The following RRM1 variants were observed in gnomAD, a reference collection of about 807,000 sequenced individuals.
RRM1 encodes the protein ribonucleoside-diphosphate reductase large subunit.
A neutral mutation model predicts 101.5 loss-of-function variants in RRM1; 19 were observed. The ratio of observed to expected loss-of-function variants is 0.19; its 90% CI spans 0.13 to 0.27. The LOEUF is 0.27. Ranked by LOEUF, RRM1 falls within the 10% of genes least tolerant of loss-of-function variation. The probability of loss-of-function intolerance (pLI) is 1.00; values close to 1 mark genes in which losing one functional copy is unlikely to be tolerated. For missense variants in RRM1, 500 were observed against 962.9 expected (o/e 0.52, Z 6.36); for synonymous variants, 298 against 323.4 (o/e 0.92, Z 0.84).
At chr11:4,110,350 A>G (rs67074167) in intron 5 of RRM1, among the ~76,000 whole-genome samples, 77,655 of 151,726 alleles carry the variant, frequency 0.51, 20,361 homozygotes, top group Non-Finnish European at 0.58. Context: ...ACGGAGTTTC[A>G]CCATGTTGGC....
At chr11:4,116,966 C>CAAAA (rs143763284) in intron 7 of RRM1, among the ~76,000 whole-genome samples, 1 of 129,424 alleles carries the variant, frequency 7.7e-6, no homozygotes. Flanking sequence ...AACCCTGTCT[C>CAAAA]AAAAAAAAAG....
At chr11:4,101,567 C>CCCA (rs2094551365) in intron 1 of RRM1, among the ~76,000 whole-genome samples, 1 of 137,750 alleles carries the variant, frequency 7.3e-6, no homozygotes, top group African/African-American at 2.8e-5. Flanking sequence ...ACACCCCCCC[C>CCCA]CGCTCCCTTG....
intron 1 of RRM1, among the ~76,000 whole-genome samples, chr11:4,101,640 C>A (rs569123434): frequency 7.0e-6 from 1 of 143,058 alleles, no homozygotes; most frequent in South Asian, 2.4e-4. Flanking sequence ...ATTGTTATAA[C>A]AATTTTGACT....
At chr11:4,124,029 A>C (rs1354884422) in intron 12 of RRM1, among the ~76,000 whole-genome samples, 1 of 152,066 alleles carries the variant, frequency 6.6e-6, no homozygotes, top group Non-Finnish European at 1.5e-5. Context: ...GATACACCAG[A>C]GACAGGGCTG....
Position 4,111,971 on chromosome 11 carries a change from A to G in RRM1, c.559A>G (p.Ile187Val). 3.1e-6 allele frequency: 5 copies of G among 1,614,034 alleles called. No homozygotes were observed. Among genetic ancestry groups the G allele is most frequent in the Non-Finnish European group, 3.4e-6 (4 of 1,179,902 alleles). ...GIHKEDIDAA[I>V]ETYNLLSERW... ...CCACAAAGAAGACATTGATGCAGCA[A>G]TTGAAACATATAATCTTCTTTCTGA... The change falls in exon 7 of 19, where the codon ATT becomes GTT. Residue 187 changes from isoleucine (I) to valine (V), a missense_variant. Physicochemically the swap from Ile to Val is conservative, Grantham distance 29. This residue lies in a region of RRM1 where 111 missense variants were observed against 219.8 expected (regional missense o/e 0.51). Transcript: ENST00000300738.
At chr11:4,118,757 A>T (rs538521612) in intron 8 of RRM1, among the ~76,000 whole-genome samples, 89 of 152,294 alleles carry the variant, frequency 5.8e-4, no homozygotes, top group Middle Eastern at 6.8e-3. Context: ...CTGTATGTTA[A>T]GTTTGTTATA....
intron 1 of RRM1, among the ~76,000 whole-genome samples, chr11:4,101,557 ACACC>A (rs2094551049): frequency 2.3e-5 from 1 of 43,632 alleles, no homozygotes; most frequent in Non-Finnish European, 5.4e-5. Flanking sequence ...CCAGTGATCC[ACACC>A]CCCCCCCGCT....
chr11:4,111,086 T>C (rs564507736), intron 5 of RRM1, among the ~76,000 whole-genome samples: 303 of 152,086 alleles, frequency 2.0e-3, no homozygotes, highest in Non-Finnish European at 3.7e-3. Flanking sequence ...AAAGTGCCAG[T>C]GAGGAGGCTG....
At chr11:4,133,224 T>A (rs1306243084) in intron 16 of RRM1, among the ~76,000 whole-genome samples, 1 of 152,196 alleles carries the variant, frequency 6.6e-6, no homozygotes, top group African/African-American at 2.4e-5. Flanking sequence ...TCACCCAGGC[T>A]GGAGTGCAGT....
At chr11:4,137,147 G>C (rs934911145) in intron 18 of RRM1, 7 of 246,932 alleles carry the variant, frequency 2.8e-5, no homozygotes, top group Non-Finnish European at 4.7e-5. Flanking sequence ...AGAACAAAAT[G>C]AAAAGTCTCC....
upstream of RRM1, chr11:4,094,708 A>G (rs895452165): frequency 1.9e-5 from 10 of 523,490 alleles, no homozygotes; most frequent in African/African-American, 1.5e-4. Context: ...CCCAGACTCA[A>G]CATGGCGGCT....
At position 4,095,141 on chromosome 11, in the gene RRM1, G is replaced by T. The variant is rs1025678151; in HGVS notation, c.19+110G>T. On this transcript the variant is annotated intron_variant, in intron 1 of 18. Coordinates refer to ENST00000300738, the MANE Select transcript of RRM1 (RefSeq NM_001033.5). Reference sequence around the variant, plus strand: ...GCCTTCGCTGCTTCCCGCCTTTCCCGCATTTCCCGCCGCGGCCTTCCGCCC... The same window carrying T: ...GCCTTCGCTGCTTCCCGCCTTTCCCTCATTTCCCGCCGCGGCCTTCCGCCC... 4 of 1,174,206 alleles carry T rather than the reference G, an allele frequency of 3.4e-6. No homozygotes were observed. In the South Asian group the frequency reaches 5.4e-5, roughly 16 times the overall value. 72.7% of individuals were successfully genotyped at this position (1,174,206 alleles called of 1,614,324 possible).
chr11:4,114,968 C>T (rs890406904), intron 7 of RRM1, among the ~76,000 whole-genome samples: 1 of 152,172 alleles, frequency 6.6e-6, no homozygotes, highest in African/African-American at 2.4e-5. Context: ...CTTCCTTGGC[C>T]TCCCGAAGTG....
chr11:4,098,374 C>T (rs2975194), intron 1 of RRM1, among the ~76,000 whole-genome samples: 1 of 143,646 alleles, frequency 7.0e-6, no homozygotes, highest in Non-Finnish European at 1.5e-5. Context: ...TCCTGCCCTC[C>T]TCCCTCCCTC....
chr11:4,133,678 T>C lies in RRM1; in HGVS notation c.2001+20T>C. The C allele has an allele frequency of 6.8e-7, 1 of 1,466,840 alleles. No individual in the cohort carries two copies. Among genetic ancestry groups the C allele is most frequent in the Non-Finnish European group, 9.5e-7 (1 of 1,048,046 alleles). The allele number at this position is 1,466,840 out of a possible 1,614,324, so 90.9% of individuals were successfully genotyped here. On this transcript the variant is annotated intron_variant, in intron 17 of 18. Coordinates refer to ENST00000300738, the MANE Select transcript of RRM1 (RefSeq NM_001033.5). ...ATTCAGGTATAGAATGAAAATGAAG[T>C]GTGCTCTGCAGGGGCTGAGTTGGAC...
At chr11:4,108,618 A>G (rs568287472) in intron 4 of RRM1, among the ~76,000 whole-genome samples, 1 of 150,196 alleles carries the variant, frequency 6.7e-6, no homozygotes, top group African/African-American at 2.4e-5. Context: ...AAAAAAAAAA[A>G]GAATGATTAA....
chr11:4,118,223 T>C, intron 7 of RRM1, 97 bp from the exon 8 acceptor site: 1 of 757,702 alleles, frequency 1.3e-6, no homozygotes, highest in Admixed American at 4.0e-5. Context: ...TTCAACTCTT[T>C]TTTTTTTTTT....
At chr11:4,096,810 A>G (rs569225245) in intron 1 of RRM1, among the ~76,000 whole-genome samples, 1 of 152,060 alleles carries the variant, frequency 6.6e-6, no homozygotes, top group South Asian at 2.1e-4. Flanking sequence ...TGGCTTGAGC[A>G]TCTATTTTTT....
chr11:4,112,386 CAA>C lies in RRM1; in HGVS notation c.650+326_650+327del, dbSNP rs377371904. ...TTCCTTTTTTTTTTTGTTGTTGAGA[CAA>C]AGTCTCACTCTGTCACCCAGGCTGG... is the stretch of plus-strand genomic sequence containing the variant. On this transcript the variant is annotated intron_variant, in intron 7 of 18. Coordinates refer to ENST00000300738, the MANE Select transcript of RRM1 (RefSeq NM_001033.5). 3.8e-3 allele frequency among the ~76,000 whole-genome samples: 571 copies of C among 151,278 alleles called. 1 individual carries two copies. Among genetic ancestry groups the C allele is most frequent in the African/African-American group, 0.013 (545 of 41,176 alleles).
Sources: allele counts gnomAD v4.1 joint callset (sites outside exome capture counted in the v4.1 genomes callset), GRCh38; gene constraint gnomAD v4.1.1; regional missense constraint gnomAD v4.1.1; transcripts MANE v1.5; gene names NCBI Gene and HGNC (gene_info 2026-07-23, HGNC 2026-07-21).